NIPBL: variants seen among roughly 807,000 people sequenced by gnomAD.
The protein encoded by NIPBL is nipped-B-like protein.
In NIPBL, 19 loss-of-function variants were observed where a neutral mutation model predicts 321.8. The observed-to-expected ratio is 0.06, with a 90% confidence interval of 0.04 to 0.09. The LOEUF (loss-of-function observed/expected upper bound fraction) is 0.09, where lower values mean the gene tolerates loss of function less well. NIPBL is among the 10% of genes least tolerant of loss of function. The pLI is 1.00. For missense variants in NIPBL, 2,210 were observed against 3,327.0 expected, an observed-to-expected ratio of 0.66 and a Z score of 8.26; for synonymous variants, 1,106 against 1,114.1, an observed-to-expected ratio of 0.99 and a Z score of 0.14.
At chr5:36,898,585 C>G (rs1436748023) in intron 1 of NIPBL, among the ~76,000 whole-genome samples, 1 of 150,052 alleles carries the variant, frequency 6.7e-6, no homozygotes, top group Non-Finnish European at 1.5e-5. Flanking sequence ...GATCTCAGCT[C>G]ACCACAACCT....
chr5:36,972,656 A>T (rs1561097050), intron 8 of NIPBL, among the ~76,000 whole-genome samples: 1 of 152,150 alleles, frequency 6.6e-6, no homozygotes, highest in Non-Finnish European at 1.5e-5. Context: ...TACCTAGCGG[A>T]TATTTCCAAT....
In NIPBL at chr5:37,000,589, CG is replaced by C; in HGVS notation, c.3502+21del. 6.2e-7 allele frequency: 1 copy of C among 1,610,212 alleles called. No homozygotes were observed. The highest frequency in any genetic ancestry group is 8.5e-7 in the Non-Finnish European group (1 of 1,176,926). The stretch of plus-strand genomic sequence containing the variant: ...AGTGAGGGTAATTCATCAGTGTCAA[CG>C]GATTTCTTACATAAACCAATTTAAA... On this transcript the variant is annotated intron_variant, in intron 12 of 46. Coordinates refer to ENST00000282516, the MANE Select transcript of NIPBL (RefSeq NM_133433.4).
intron 1 of NIPBL, among the ~76,000 whole-genome samples, chr5:36,906,414 C>T (rs1747641031): frequency 6.6e-6 from 1 of 152,102 alleles, no homozygotes; most frequent in South Asian, 2.1e-4. Flanking sequence ...ATCTTGGTTG[C>T]TGGGGTTACA....
At chr5:37,051,959 C>T (rs555211226) in intron 41 of NIPBL, 73 bp downstream of exon 41, 14 of 1,024,902 alleles carry the variant, frequency 1.4e-5, no homozygotes, top group South Asian at 1.2e-4. Context: ...GATAAATGCT[C>T]TGCCCACATT....
chr5:36,988,697 G>T lies in NIPBL; in HGVS notation c.3121+2396G>T, dbSNP rs190207914. On this transcript the variant is annotated intron_variant, in intron 10 of 46. Transcript: ENST00000282516. Reference sequence around the variant, plus strand: ...GAAAATCACATTTTGATGTGTTGATGATTTTCTGAGTAAAGGAGTTAGTCT... The same window carrying T: ...GAAAATCACATTTTGATGTGTTGATTATTTTCTGAGTAAAGGAGTTAGTCT... Among the ~76,000 whole-genome samples, 402 of 152,114 alleles carry T rather than the reference G, an allele frequency of 2.6e-3. 5 individuals carry two copies. The highest frequency in any genetic ancestry group is 4.5e-3 in the Admixed American group (68 of 15,274).
At chr5:36,982,545 A>G (rs905209442) in intron 9 of NIPBL, among the ~76,000 whole-genome samples, 1 of 151,822 alleles carries the variant, frequency 6.6e-6, no homozygotes, top group African/African-American at 2.4e-5. Flanking sequence ...ACTGAAAAAC[A>G]ATGGTAAGAT....
At chr5:37,027,336 T>C (rs776087210) in intron 31 of NIPBL, 23 bp from the exon 32 acceptor site, 2 of 1,574,944 alleles carry the variant, frequency 1.3e-6, no homozygotes, top group South Asian at 2.2e-5. Flanking sequence ...ACTTCTAACT[T>C]TGATTCTTTT....
chr5:37,012,802 G>A (rs1176122970), intron 21 of NIPBL, among the ~76,000 whole-genome samples: 1 of 152,040 alleles, frequency 6.6e-6, no homozygotes, highest in Non-Finnish European at 1.5e-5. Flanking sequence ...AGATCAACAG[G>A]ATCCCAAGGC....
chr5:36,891,449 G>A (rs532506816), intron 1 of NIPBL, among the ~76,000 whole-genome samples: 4 of 152,272 alleles, frequency 2.6e-5, no homozygotes, highest in Admixed American at 6.5e-5. Flanking sequence ...GTGGTGAGGC[G>A]CAGTAAGTCA....
In NIPBL at chr5:36,876,954, G is replaced by A; in HGVS notation, c.-304G>A. 2.5e-6 allele frequency: 1 copy of A among 394,822 alleles called. No individual in the cohort carries two copies. The highest frequency in any genetic ancestry group is 4.5e-6 in the Non-Finnish European group (1 of 223,534). The allele number at this position is 394,822 out of a possible 1,614,324, so 24.5% of individuals were successfully genotyped here. A position where few individuals can be genotyped will look rare whatever the true frequency, so the allele number is the denominator to read the frequency against. On this transcript the variant is annotated 5_prime_UTR_variant, in exon 1 of 47. Coordinates refer to ENST00000282516, the MANE Select transcript of NIPBL (RefSeq NM_133433.4). ...CGGCGATGCCCCCCCGGTAGCTCGG[G>A]CCCGTGGTCGGGTGTTTGTGAGTGT...
intron 1 of NIPBL, among the ~76,000 whole-genome samples, chr5:36,928,562 G>T (rs1052132819): frequency 2.6e-5 from 4 of 152,114 alleles, no homozygotes; most frequent in Non-Finnish European, 4.4e-5. Flanking sequence ...ACGTTATTGA[G>T]GTATGATCCG....
chr5:36,878,743 T>A (rs1745284011), intron 1 of NIPBL, among the ~76,000 whole-genome samples: 1 of 152,224 alleles, frequency 6.6e-6, no homozygotes, highest in Non-Finnish European at 1.5e-5. Flanking sequence ...ATGAAGTTAA[T>A]ATAGCTGTCA....
In NIPBL at chr5:36,883,082, T is replaced by A. The variant is rs528995269; in HGVS notation, c.-80+5904T>A. ...TCAGGCTATAACAATACTGAAATTT[T>A]AAAAAAATGATCAGTCATGCTAATT... On this transcript the variant is annotated intron_variant, in intron 1 of 46. Transcript: ENST00000282516. 7.9e-5 allele frequency among the ~76,000 whole-genome samples: 12 copies of A among 151,992 alleles called. No individual in the cohort carries two copies. The East Asian group carries it at 1.3e-3, about 17-fold the overall frequency.
intron 1 of NIPBL, among the ~76,000 whole-genome samples, chr5:36,932,958 G>A (rs1749893635): frequency 6.6e-6 from 1 of 151,294 alleles, no homozygotes; most frequent in African/African-American, 2.4e-5. Flanking sequence ...GGAGTACATT[G>A]GAGTACAGGT....
At chr5:36,898,449 G>T (rs1746942982) in intron 1 of NIPBL, among the ~76,000 whole-genome samples, 1 of 151,612 alleles carries the variant, frequency 6.6e-6, no homozygotes, top group Non-Finnish European at 1.5e-5. Context: ...TAAATAATTT[G>T]CCCAAGCTTA....
chr5:37,022,446 ATGTTT>A (rs1749754860), intron 29 of NIPBL, 56 bp downstream of exon 29: 1 of 1,501,130 alleles, frequency 6.7e-7, no homozygotes, highest in Non-Finnish European at 9.0e-7. Context: ...TTCAAGCATC[ATGTTT>A]TGTTTTAAAG....
chr5:36,991,552 T>G (rs1745517066), intron 10 of NIPBL, among the ~76,000 whole-genome samples: 1 of 152,128 alleles, frequency 6.6e-6, no homozygotes, highest in Admixed American at 6.5e-5. Context: ...CCCTGCCCCC[T>G]ACTTTTCTGT....
At position 37,060,016 on chromosome 5, in the gene NIPBL, A is replaced by C. The variant is rs141571625; in HGVS notation, c.7686-828A>C. ...TCACAAAATCAAATGTTAATAGGCT[A>C]CCTGGTCAATGGCCAACTGGAAAGA... is the stretch of plus-strand genomic sequence containing the variant. On this transcript the variant is annotated intron_variant, in intron 44 of 46. Transcript: ENST00000282516. 1.2e-4 allele frequency among the ~76,000 whole-genome samples: 18 copies of C among 152,324 alleles called. No homozygotes were observed. In the East Asian group the frequency reaches 3.5e-3, roughly 29 times the overall value.
At chr5:37,010,597 C>T (rs1311159585) in intron 21 of NIPBL, among the ~76,000 whole-genome samples, 7 of 152,114 alleles carry the variant, frequency 4.6e-5, no homozygotes, top group East Asian at 1.9e-4. Context: ...GGAGCCACTG[C>T]GCCTGGCCAA....
Sources: gnomAD v4.1 joint callset for allele counts (sites outside exome capture counted in the v4.1 genomes callset) on GRCh38, gnomAD v4.1.1 for gene constraint, MANE v1.5 for transcripts, NCBI Gene and HGNC (gene_info 2026-07-23, HGNC 2026-07-21) for gene names.